Variants in KCNMA1 observed in about 807,000 individuals in gnomAD.
KCNMA1 encodes the protein Calcium-activated potassium channel subunit alpha-1.
In KCNMA1, 29 loss-of-function variants were observed where a neutral mutation model predicts 140.0. The observed-to-expected ratio is 0.21, with a 90% CI of 0.15 to 0.28. The LOEUF is 0.28. Ranked by LOEUF, KCNMA1 falls within the 10% of genes least tolerant of loss-of-function variation. KCNMA1 has a pLI of 1.00. For synonymous variants in KCNMA1, 612 were observed against 611.9 expected (o/e 1.00, Z 0.00); for missense variants, 880 against 1,602.2 (o/e 0.55, Z 7.70).
chr10:77,593,586 T>A (rs574837324), intron 1 of KCNMA1, among the ~76,000 whole-genome samples: 2 of 152,324 alleles, frequency 1.3e-5, no homozygotes, highest in South Asian at 4.1e-4. Context: ...TTACAAAGCA[T>A]TTTTATACAC....
intron 14 of KCNMA1, among the ~76,000 whole-genome samples, chr10:77,042,704 C>T (rs1292328651): frequency 6.6e-6 from 1 of 152,052 alleles, no homozygotes; most frequent in African/African-American, 2.4e-5. Flanking sequence ...AATTTTCATG[C>T]CTTTATGTCC....
chr10:77,267,882 A>G (rs575810651), intron 2 of KCNMA1, among the ~76,000 whole-genome samples: 11 of 152,304 alleles, frequency 7.2e-5, no homozygotes, highest in Admixed American at 2.0e-4. Context: ...TGCCAAGAAT[A>G]CCATAAAAGG....
At chr10:77,448,904 T>A (rs375350965) in intron 1 of KCNMA1, among the ~76,000 whole-genome samples, 1 of 151,948 alleles carries the variant, frequency 6.6e-6, no homozygotes, top group Non-Finnish European at 1.5e-5. Flanking sequence ...CAGACTAACA[T>A]GGTGAAACCC....
intron 1 of KCNMA1, among the ~76,000 whole-genome samples, chr10:77,461,747 G>A (rs187303387): frequency 6.4e-4 from 98 of 152,256 alleles, no homozygotes; most frequent in African/African-American, 2.3e-3. Context: ...GCCCAGGCAC[G>A]CTCCAGATGC....
chr10:76,886,069 T>C lies in KCNMA1; in HGVS notation c.*1197A>G. On this transcript the variant is annotated 3_prime_UTR_variant, in exon 28 of 28. Transcript: ENST00000286628. Reference sequence around the variant, plus strand: ...CAGCTGTGCCAACAGTTGAAGGTGGTGGCTGGCTTTTGTCTTTGTTGAGTC... The same window carrying C: ...CAGCTGTGCCAACAGTTGAAGGTGGCGGCTGGCTTTTGTCTTTGTTGAGTC... The C allele has an allele frequency of 1.0e-6, 1 of 985,426 alleles. No individual in the cohort carries two copies. The highest frequency in any genetic ancestry group is 1.2e-6 in the Non-Finnish European group (1 of 829,944). 61.0% of individuals were successfully genotyped at this position (985,426 alleles called of 1,614,324 possible).
intron 1 of KCNMA1, among the ~76,000 whole-genome samples, chr10:77,585,544 T>C (rs2077051007): frequency 1.3e-5 from 2 of 152,236 alleles, no homozygotes; most frequent in Non-Finnish European, 2.9e-5. Flanking sequence ...CCTCAAGAAA[T>C]GTTTGTAACC....
chr10:77,240,965 G>C (rs2057117801), intron 3 of KCNMA1, among the ~76,000 whole-genome samples: 1 of 152,244 alleles, frequency 6.6e-6, no homozygotes, highest in South Asian at 2.1e-4. Flanking sequence ...CAAAACTCGG[G>C]AGAAAAGCAA....
chr10:77,251,644 T>C (rs750306460), intron 2 of KCNMA1, among the ~76,000 whole-genome samples: 30 of 152,168 alleles, frequency 2.0e-4, no homozygotes, highest in Admixed American at 1.7e-3. Context: ...GGAACTCCAA[T>C]AGAGGAATAT....
intron 2 of KCNMA1, among the ~76,000 whole-genome samples, chr10:77,270,138 T>C (rs1001669820): frequency 2.0e-5 from 3 of 152,194 alleles, no homozygotes; most frequent in African/African-American, 4.8e-5. Context: ...AGCTGCTTCC[T>C]GCCAGTGGCA....
intron 1 of KCNMA1, among the ~76,000 whole-genome samples, chr10:77,434,441 G>A (rs548148785): frequency 2.7e-4 from 41 of 152,248 alleles, no homozygotes; most frequent in Non-Finnish European, 4.9e-4. Context: ...CCAGTCTCCC[G>A]ACACACATCT....
chr10:76,928,605 T>C (rs2058438597), intron 23 of KCNMA1, among the ~76,000 whole-genome samples: 1 of 152,202 alleles, frequency 6.6e-6, no homozygotes, highest in African/African-American at 2.4e-5. Flanking sequence ...TACTGTAAAA[T>C]ATGCTTTAAT....
intron 19 of KCNMA1, chr10:76,995,151 C>A (rs1002582718): frequency 6.3e-6 from 1 of 159,612 alleles, no homozygotes; most frequent in Admixed American, 6.1e-5. Flanking sequence ...GCTCCGTGAG[C>A]CGCACGCTCC....
Position 77,065,253 on chromosome 10 carries a change from C to T in KCNMA1, c.1749+7844G>A, listed in dbSNP as rs1215256682. On this transcript the variant is annotated intron_variant, in intron 14 of 27. Coordinates refer to ENST00000286628, the MANE Select transcript of KCNMA1 (RefSeq NM_001161352.2). ...AGGCAATAAACACCAAAGAGTGCCA[C>T]GGGAAAAAACAAAGCCAAGAGAGTA... Among the ~76,000 whole-genome samples the T allele has an allele frequency of 8.5e-5, 13 of 152,092 alleles. No individual in the cohort carries two copies. In the East Asian group the frequency reaches 1.2e-3, roughly 14 times the overall value.
chr10:77,475,532 C>A (rs536443114), intron 1 of KCNMA1, among the ~76,000 whole-genome samples: 3 of 152,292 alleles, frequency 2.0e-5, no homozygotes, highest in Non-Finnish European at 4.4e-5. Flanking sequence ...CCAATACAAT[C>A]TCCCAGGTAT....
At chr10:77,083,294 A>C in intron 12 of KCNMA1, among the ~76,000 whole-genome samples, 1 of 152,280 alleles carries the variant, frequency 6.6e-6, no homozygotes, top group South Asian at 2.1e-4. Flanking sequence ...GGAGCAAAAT[A>C]CCTTGACTTT....
intron 1 of KCNMA1, among the ~76,000 whole-genome samples, chr10:77,620,302 G>A (rs1201666424): frequency 6.6e-6 from 1 of 152,166 alleles, no homozygotes; most frequent in African/African-American, 2.4e-5. Flanking sequence ...GACTGCTGTG[G>A]CCTGCACAGC....
chr10:76,986,122 T>C (rs1210026791), intron 19 of KCNMA1, among the ~76,000 whole-genome samples: 3 of 152,174 alleles, frequency 2.0e-5, no homozygotes, highest in Non-Finnish European at 4.4e-5. Flanking sequence ...AGTGGAGTTC[T>C]TGGATTGCTA....
At chr10:77,485,594 G>A (rs1400402348) in intron 1 of KCNMA1, among the ~76,000 whole-genome samples, 1 of 152,204 alleles carries the variant, frequency 6.6e-6, no homozygotes, top group African/African-American at 2.4e-5. Context: ...TCTTGACTGT[G>A]GGGGTCTTTT....
chr10:77,217,372 C>A, intron 3 of KCNMA1: 1 of 333,436 alleles, frequency 3.0e-6, no homozygotes, highest in Non-Finnish European at 6.3e-6. Flanking sequence ...CCTCTGTCAG[C>A]TTTAGAGATG....
Sources: gnomAD v4.1 joint callset for allele counts (sites outside exome capture counted in the v4.1 genomes callset) on GRCh38, gnomAD v4.1.1 for gene constraint, MANE v1.5 for transcripts, NCBI Gene and HGNC (gene_info 2026-07-23, HGNC 2026-07-21) for gene names.